Variants in MYO3B observed in about 807,000 individuals in gnomAD.
MYO3B encodes myosin IIIB, also known as myosin-IIIb.
In MYO3B, 156 loss-of-function variants were observed where a neutral mutation model predicts 174.6. The ratio of observed to expected loss-of-function variants is 0.89; its 90% CI spans 0.78 to 1.02. The LOEUF is 1.02. MYO3B is among the 50% of genes least tolerant of loss of function. The probability of loss-of-function intolerance (pLI) is 0.00; values close to 1 mark genes in which losing one functional copy is unlikely to be tolerated. For synonymous variants in MYO3B, 563 were observed against 569.1 expected, an observed-to-expected ratio of 0.99 and a Z score of 0.15; for missense variants, 1,632 against 1,639.4, an observed-to-expected ratio of 1.00 and a Z score of 0.08.
Position 170,654,492 on chromosome 2 carries a change from A to C in MYO3B, c.*1371A>C, listed in dbSNP as rs1211708729. On this transcript the variant is annotated 3_prime_UTR_variant, in exon 35 of 35. Transcript: ENST00000408978. ...CTCTACTAAAAAAAATAATGATAATACAAAAATTAGCCCAGCATGGTGGTG... is the reference window on the plus strand; with the variant it reads ...CTCTACTAAAAAAAATAATGATAATCCAAAAATTAGCCCAGCATGGTGGTG... 3 of 151,840 alleles carry C rather than the reference A, an allele frequency of 2.0e-5. No individual in the cohort carries two copies. The highest frequency in any genetic ancestry group is 4.4e-5 in the Non-Finnish European group (3 of 67,966). 9.4% of individuals were successfully genotyped at this position (151,840 alleles called of 1,614,324 possible).
chr2:170,626,627 A>G (rs1292143050), intron 32 of MYO3B, among the ~76,000 whole-genome samples: 1 of 152,108 alleles, frequency 6.6e-6, no homozygotes, highest in East Asian at 1.9e-4. Context: ...TAGTTGATGC[A>G]GTTTCTTCCG....
Position 170,450,226 on chromosome 2 carries a change from T to G in MYO3B, c.2730+6180T>G, listed in dbSNP as rs189966880. Among the ~76,000 whole-genome samples, 17 of 152,338 alleles carry G rather than the reference T, an allele frequency of 1.1e-4. 1 individual carries two copies. In the East Asian group the frequency reaches 2.9e-3, roughly 26 times the overall value. ...AAAGAAAGCCAAACATCATTTCATATTTGACAGTGTTTCCTGTGTGATTTT... is the reference window on the plus strand; with the variant it reads ...AAAGAAAGCCAAACATCATTTCATAGTTGACAGTGTTTCCTGTGTGATTTT... On this transcript the variant is annotated intron_variant, in intron 23 of 34. Transcript: ENST00000408978.
chr2:170,584,200 G>T (rs1355494259), intron 32 of MYO3B, among the ~76,000 whole-genome samples: 1 of 152,218 alleles, frequency 6.6e-6, no homozygotes, highest in Non-Finnish European at 1.5e-5. Context: ...CCCCTATGGG[G>T]CTCTAATTCT....
At chr2:170,356,039 C>A (rs1177789758) in intron 8 of MYO3B, among the ~76,000 whole-genome samples, 2 of 151,774 alleles carry the variant, frequency 1.3e-5, no homozygotes, top group African/African-American at 2.4e-5. Context: ...CGGCTCACTG[C>A]AAGCTCTGCC....
At chr2:170,241,221 G>A (rs928915570) in intron 7 of MYO3B, among the ~76,000 whole-genome samples, 2 of 152,052 alleles carry the variant, frequency 1.3e-5, no homozygotes, top group South Asian at 2.1e-4. Flanking sequence ...ACTTTCTCAT[G>A]AAAGCAGTAT....
At chr2:170,320,126 A>G (rs1344703597) in intron 7 of MYO3B, among the ~76,000 whole-genome samples, 2 of 152,174 alleles carry the variant, frequency 1.3e-5, no homozygotes, top group African/African-American at 4.8e-5. Context: ...AAGATTCTTT[A>G]AATATATTTT....
At position 170,519,428 on chromosome 2, in the gene MYO3B, T is replaced by C; in HGVS notation, c.3473-10T>C. On this transcript the variant is annotated splice_polypyrimidine_tract_variant and intron_variant, in intron 29 of 34. Transcript: ENST00000408978. ...GAACATATGCTTAGCCCTCCTTTCT[T>C]TTCTCTCAGTTCTCAGGGGCTCTGT... 13 of 1,612,256 alleles carry C rather than the reference T, an allele frequency of 8.1e-6. No individual in the cohort carries two copies. The highest frequency in any genetic ancestry group is 1.1e-5 in the Non-Finnish European group (13 of 1,178,764).
chr2:170,295,911 C>T (rs2093625853), intron 7 of MYO3B, among the ~76,000 whole-genome samples: 1 of 152,130 alleles, frequency 6.6e-6, no homozygotes, highest in South Asian at 2.1e-4. Flanking sequence ...TTCTCCAAGT[C>T]TTCTCTACCT....
intron 8 of MYO3B, among the ~76,000 whole-genome samples, chr2:170,365,605 T>C (rs1225598456): frequency 1.3e-5 from 2 of 152,200 alleles, no homozygotes; most frequent in Non-Finnish European, 2.9e-5. Context: ...CATTTCAGAC[T>C]GGCTCTTTGC....
chr2:170,268,923 T>C (rs569356837), intron 7 of MYO3B, among the ~76,000 whole-genome samples: 1 of 152,328 alleles, frequency 6.6e-6, no homozygotes, highest in South Asian at 2.1e-4. Flanking sequence ...CAAACCACTA[T>C]ACATATAAAT....
At chr2:170,507,166 G>A (rs1424537136) in intron 28 of MYO3B, among the ~76,000 whole-genome samples, 3 of 152,176 alleles carry the variant, frequency 2.0e-5, no homozygotes, top group Non-Finnish European at 4.4e-5. Context: ...CCACAGAATA[G>A]CAATAAAACA....
chr2:170,449,777 CAA>C (rs201702095), intron 23 of MYO3B, among the ~76,000 whole-genome samples: 1 of 131,520 alleles, frequency 7.6e-6, no homozygotes. Context: ...AACTCTGTCT[CAA>C]AAAAAAAAAA....
At chr2:170,608,675 G>A (rs1458212604) in intron 32 of MYO3B, among the ~76,000 whole-genome samples, 1 of 151,962 alleles carries the variant, frequency 6.6e-6, no homozygotes, top group Admixed American at 6.5e-5. Context: ...CAAAGAGAGA[G>A]AGAGAGAGAC....
intron 32 of MYO3B, among the ~76,000 whole-genome samples, chr2:170,560,040 G>T (rs1204242140): frequency 6.6e-6 from 1 of 152,132 alleles, no homozygotes; most frequent in Non-Finnish European, 1.5e-5. Flanking sequence ...CTGGTACATA[G>T]TAAGCATCTA....
At chr2:170,195,151 C>T (rs2092584593) in intron 1 of MYO3B, among the ~76,000 whole-genome samples, 1 of 152,080 alleles carries the variant, frequency 6.6e-6, no homozygotes, top group East Asian at 1.9e-4. Flanking sequence ...GGGCAGGAGA[C>T]AGGGAAACAC....
chr2:170,312,837 G>C (rs2093748975), intron 7 of MYO3B, among the ~76,000 whole-genome samples: 1 of 152,180 alleles, frequency 6.6e-6, no homozygotes, highest in Non-Finnish European at 1.5e-5. Flanking sequence ...ATTATTGTTT[G>C]AATTCTGGTT....
chr2:170,235,331 C>T (rs1389916812), intron 6 of MYO3B, among the ~76,000 whole-genome samples: 2 of 152,220 alleles, frequency 1.3e-5, no homozygotes, highest in African/African-American at 4.8e-5. Context: ...CATTCCTCCA[C>T]AGGGTTACAG....
At chr2:170,275,750 A>C (rs1436998155) in intron 7 of MYO3B, among the ~76,000 whole-genome samples, 1 of 152,034 alleles carries the variant, frequency 6.6e-6, no homozygotes, top group East Asian at 1.9e-4. Context: ...CTGTGCATTA[A>C]AAAAAATACC....
chr2:170,211,766 CA>C (rs1252932292), intron 3 of MYO3B, among the ~76,000 whole-genome samples: 1 of 152,140 alleles, frequency 6.6e-6, no homozygotes, highest in African/African-American at 2.4e-5. Flanking sequence ...CCCAAGCACA[CA>C]AAACAAGATG....
Sources: allele counts gnomAD v4.1 joint callset (sites outside exome capture counted in the v4.1 genomes callset), GRCh38; gene constraint gnomAD v4.1.1; transcripts MANE v1.5; gene names NCBI Gene and HGNC (gene_info 2026-07-23, HGNC 2026-07-21).